Variants in CTXND1 observed in about 807,000 individuals in gnomAD.
The protein encoded by CTXND1 is cortexin domain-containing 1 protein.
chr15:80,233,541 T>C (rs914881322), intron 1 of CTXND1, among the ~76,000 whole-genome samples: 34 of 152,134 alleles, frequency 2.2e-4, no homozygotes, highest in African/African-American at 8.2e-4. Flanking sequence ...AAATAGCCCC[T>C]GGTTTCCTCT....
chr15:80,235,744 C>A (rs1398326121), intron 1 of CTXND1, among the ~76,000 whole-genome samples: 1 of 151,880 alleles, frequency 6.6e-6, no homozygotes, highest in Admixed American at 6.6e-5. Context: ...CACAGGGCTA[C>A]CCTACCAATC....
At chr15:80,239,200 C>T (rs766964034) in intron 1 of CTXND1, among the ~76,000 whole-genome samples, 8 of 152,224 alleles carry the variant, frequency 5.3e-5, no homozygotes, top group Non-Finnish European at 1.2e-4. Context: ...CAGGCCCTCC[C>T]TGAGCCCCAC....
intron 1 of CTXND1, among the ~76,000 whole-genome samples, chr15:80,226,114 A>G (rs1028468376): frequency 6.6e-6 from 1 of 152,180 alleles, no homozygotes; most frequent in African/African-American, 2.4e-5. Flanking sequence ...CTCTCACTCC[A>G]CCATCAGGGT....
chr15:80,201,095 G>A lies in CTXND1; in HGVS notation c.*675C>T, dbSNP rs1180508490. 1 of 152,104 alleles carries A rather than the reference G, an allele frequency of 6.6e-6. No individual in the cohort carries two copies. Among genetic ancestry groups the A allele is most frequent in the African/African-American group, 2.4e-5 (1 of 41,406 alleles). The allele number at this position is 152,104 out of a possible 1,614,324, so 9.4% of individuals were successfully genotyped here. On this transcript the variant is annotated 3_prime_UTR_variant, in exon 3 of 3. Coordinates refer to ENST00000560778, the MANE Select transcript of CTXND1 (RefSeq NM_001352888.2). Reference sequence around the variant, plus strand: ...GTTTCCGGGAGGTGGGATTATAAGTGTTATTTCCTCCCCCTTTCTTTCTAT... The same window carrying A: ...GTTTCCGGGAGGTGGGATTATAAGTATTATTTCCTCCCCCTTTCTTTCTAT...
At chr15:80,234,409 A>T (rs951158207) in intron 1 of CTXND1, among the ~76,000 whole-genome samples, 4 of 151,718 alleles carry the variant, frequency 2.6e-5, no homozygotes, top group African/African-American at 9.7e-5. Flanking sequence ...GGATAGGGTG[A>T]GACAGGGCTG....
chr15:80,246,007 T>C (rs1335119490), intron 1 of CTXND1, among the ~76,000 whole-genome samples: 1 of 152,224 alleles, frequency 6.6e-6, no homozygotes, highest in Admixed American at 6.5e-5. Context: ...ACTAACATGG[T>C]AATTATGTGT....
At chr15:80,248,501 T>A (rs1299393348) in intron 1 of CTXND1, among the ~76,000 whole-genome samples, 2 of 152,226 alleles carry the variant, frequency 1.3e-5, no homozygotes, top group Non-Finnish European at 2.9e-5. Context: ...CTACAGTACC[T>A]AACTAGATAC....
chr15:80,243,935 G>A (rs1893599735), intron 1 of CTXND1, among the ~76,000 whole-genome samples: 1 of 152,218 alleles, frequency 6.6e-6, no homozygotes, highest in Admixed American at 6.5e-5. Flanking sequence ...ACCAGGGGAT[G>A]TTGGAGGAGT....
intron 1 of CTXND1, among the ~76,000 whole-genome samples, chr15:80,249,951 T>C (rs534274719): frequency 2.0e-5 from 3 of 152,228 alleles, no homozygotes; most frequent in Non-Finnish European, 4.4e-5. Flanking sequence ...TTCTTCTACA[T>C]CAGAACTTAT....
chr15:80,209,887 C>A (rs1321141468), intron 1 of CTXND1, among the ~76,000 whole-genome samples: 1 of 152,202 alleles, frequency 6.6e-6, no homozygotes, highest in African/African-American at 2.4e-5. Flanking sequence ...TTTAGACTCA[C>A]ATGTATCTTT....
At chr15:80,242,346 G>A (rs143098482) in intron 1 of CTXND1, among the ~76,000 whole-genome samples, 41 of 152,346 alleles carry the variant, frequency 2.7e-4, no homozygotes, top group Admixed American at 1.5e-3. Context: ...CTGTGAGCCC[G>A]GGCAAGAAGT....
chr15:80,245,877 C>T (rs1460341565), intron 1 of CTXND1, among the ~76,000 whole-genome samples: 1 of 152,146 alleles, frequency 6.6e-6, no homozygotes, highest in Non-Finnish European at 1.5e-5. Context: ...CAACCCCCAA[C>T]CCCGCAAGCC....
intron 1 of CTXND1, among the ~76,000 whole-genome samples, chr15:80,218,384 C>G (rs1893276030): frequency 6.6e-6 from 1 of 152,182 alleles, no homozygotes; most frequent in Non-Finnish European, 1.5e-5. Flanking sequence ...AAGCAGTCTT[C>G]CCACCTGGCC....
chr15:80,228,801 G>A (rs889020688), intron 1 of CTXND1, among the ~76,000 whole-genome samples: 39 of 151,814 alleles, frequency 2.6e-4, no homozygotes, highest in African/African-American at 8.2e-4. Context: ...GCTAATTTTT[G>A]TATTTTTAGT....
intron 1 of CTXND1, among the ~76,000 whole-genome samples, chr15:80,221,401 A>G (rs947864012): frequency 2.0e-4 from 31 of 152,194 alleles, no homozygotes; most frequent in African/African-American, 7.5e-4. Context: ...GTAAAGAAAT[A>G]TTACTAATCT....
intron 1 of CTXND1, among the ~76,000 whole-genome samples, chr15:80,223,764 T>C (rs1893343984): frequency 6.6e-6 from 1 of 151,982 alleles, no homozygotes; most frequent in Admixed American, 6.6e-5. Flanking sequence ...TGGTTTTTAT[T>C]TGCATTTCTC....
chr15:80,250,683 G>T (rs1595912311), intron 1 of CTXND1, among the ~76,000 whole-genome samples: 1 of 152,166 alleles, frequency 6.6e-6, no homozygotes, highest in Admixed American at 6.5e-5. Flanking sequence ...AGGACGTAAG[G>T]TTTTGCTTTT....
At chr15:80,251,580 C>T (rs905313673) in intron 1 of CTXND1, among the ~76,000 whole-genome samples, 3 of 152,234 alleles carry the variant, frequency 2.0e-5, no homozygotes, top group African/African-American at 7.2e-5. Context: ...TCACACTCCC[C>T]AAACCCCTCA....
At chr15:80,238,025 A>AAT (rs1460870717) in intron 1 of CTXND1, among the ~76,000 whole-genome samples, 7 of 151,760 alleles carry the variant, frequency 4.6e-5, no homozygotes, top group African/African-American at 1.7e-4. Flanking sequence ...AAAAAAAAAA[A>AAT]AAAAATTAAA....
Sources: allele counts gnomAD v4.1 joint callset (sites outside exome capture counted in the v4.1 genomes callset), GRCh38; gene constraint gnomAD v4.1.1; transcripts MANE v1.5; gene names NCBI Gene and HGNC (gene_info 2026-07-23, HGNC 2026-07-21).